Variants in AZIN2 observed in about 807,000 individuals in gnomAD.
AZIN2 encodes ODC antizyme inhibitor-2.
In AZIN2, 28 loss-of-function variants were observed where a neutral mutation model predicts 47.8. That is an observed-to-expected ratio of 0.59 (90% CI 0.43 to 0.80). The LOEUF is 0.80. Ranked by LOEUF, AZIN2 falls within the 30% of genes least tolerant of loss-of-function variation. The pLI is 0.00. For synonymous variants in AZIN2, 221 were observed against 239.4 expected, an observed-to-expected ratio of 0.92 and a Z score of 0.71; for missense variants, 535 against 582.5, an observed-to-expected ratio of 0.92 and a Z score of 0.84.
chr1:33,091,519 C>A (rs768561365), intron 5 of AZIN2, among the ~76,000 whole-genome samples: 3 of 150,156 alleles, frequency 2.0e-5, no homozygotes, highest in Non-Finnish European at 4.4e-5. Context: ...GGGTTACAGG[C>A]GTGAGCCACT....
At chr1:33,091,420 G>A (rs10157034) in intron 5 of AZIN2, among the ~76,000 whole-genome samples, 49,822 of 151,828 alleles carry the variant, frequency 0.33, 8,499 homozygotes, top group African/African-American at 0.41. Context: ...TTGTATTTTT[G>A]GTAGAGATGG....
intron 10 of AZIN2, among the ~76,000 whole-genome samples, chr1:33,105,714 T>C (rs1417732079): frequency 2.0e-5 from 3 of 152,196 alleles, no homozygotes; most frequent in Non-Finnish European, 4.4e-5. Flanking sequence ...AGATGAGATT[T>C]GGGTGGGGAC....
the AZIN2 span, chr1:33,158,450 G>A: frequency 2.7e-6 from 3 of 1,100,692 alleles, no homozygotes; most frequent in South Asian, 1.3e-5. Context: ...CACCTTCAGG[G>A]CAGCTGGCAT....
intron 4 of AZIN2, chr1:33,083,095 G>A (rs58591894): frequency 0.026 from 4,036 of 152,604 alleles, 185 homozygotes; most frequent in African/African-American, 0.092. Context: ...CCATGCCCCT[G>A]CATTGCACCT....
chr1:33,084,436 T>A (rs565467384), intron 5 of AZIN2, among the ~76,000 whole-genome samples: 130 of 152,292 alleles, frequency 8.5e-4, no homozygotes, highest in Non-Finnish European at 1.6e-3. Flanking sequence ...AACAAAAGCG[T>A]CTCCATATTG....
the AZIN2 span, chr1:33,145,673 A>G: frequency 3.2e-6 from 1 of 314,618 alleles, no homozygotes; most frequent in Non-Finnish European, 6.3e-6. Context: ...AAGAAAAGTC[A>G]AGGCCGGGGA....
chr1:33,153,282 CCAGG>C, the AZIN2 span, among the ~76,000 whole-genome samples: 1 of 152,208 alleles, frequency 6.6e-6, no homozygotes, highest in South Asian at 2.1e-4. Flanking sequence ...GCCCAGCCAA[CCAGG>C]CTGCTGCTCT....
chr1:33,105,093 T>C (rs1349512993), intron 10 of AZIN2, among the ~76,000 whole-genome samples: 1 of 152,194 alleles, frequency 6.6e-6, no homozygotes, highest in Non-Finnish European at 1.5e-5. Flanking sequence ...TATTAAAAGG[T>C]GTTTTTGTTA....
the AZIN2 span, chr1:33,164,931 T>C: frequency 6.6e-6 from 1 of 151,188 alleles, no homozygotes; most frequent in Non-Finnish European, 1.5e-5. Flanking sequence ...TACAGGCATG[T>C]GCCACTACGC....
rs1644748093 is a variant in AZIN2, at chr1:33,120,043, G to A, written c.1245-1G>A. The A allele has an allele frequency of 6.2e-7, 1 of 1,613,602 alleles. No individual in the cohort carries two copies. Among genetic ancestry groups the A allele is most frequent in the African/African-American group, 1.3e-5 (1 of 74,928 alleles). On this transcript the variant is annotated splice_acceptor_variant, in intron 11 of 11. Coordinates refer to ENST00000294517, the MANE Select transcript of AZIN2 (RefSeq NM_052998.4). LOFTEE classifies it high-confidence loss of function. Reference sequence around the variant, plus strand: ...TTGCAGCACCCCTCTCTCACCCCTAGGGAAGCGCTGCGAAGGCAGCTGATG... The same window carrying A: ...TTGCAGCACCCCTCTCTCACCCCTAAGGAAGCGCTGCGAAGGCAGCTGATG...
At position 33,122,095 on chromosome 1, in the gene AZIN2, T is replaced by C. The variant is rs1644805169; in HGVS notation, c.*1913T>C. ...ACAGGTATTACCATGCCAGTAATTG[T>C]CTATCAGACTCTGAGACTTCTTCCA... On this transcript the variant is annotated 3_prime_UTR_variant, in exon 12 of 12. Coordinates refer to ENST00000294517, the MANE Select transcript of AZIN2 (RefSeq NM_052998.4). Among the ~76,000 whole-genome samples the C allele has an allele frequency of 1.3e-5, 2 of 152,230 alleles. No individual in the cohort carries two copies. The highest frequency in any genetic ancestry group is 2.9e-5 in the Non-Finnish European group (2 of 68,040).
At chr1:33,145,935 C>T in the AZIN2 span, 1 of 470,818 alleles carries the variant, frequency 2.1e-6, no homozygotes, top group East Asian at 6.9e-5. Context: ...AACAGAATCT[C>T]TTGTAAAAAT....
In AZIN2 at chr1:33,120,352, C is replaced by T. The variant is rs1644766264; in HGVS notation, c.*170C>T. ...CCCTGTAAATAGGACCAGTCTTACA[C>T]TCGCTGTAGTTCAAGTATGCAACAT... On this transcript the variant is annotated 3_prime_UTR_variant, in exon 12 of 12. Transcript: ENST00000294517. The T allele has an allele frequency of 2.3e-6, 2 of 870,002 alleles. No homozygotes were observed. Among genetic ancestry groups the T allele is most frequent in the Non-Finnish European group, 3.4e-6 (2 of 582,582 alleles). 53.9% of individuals were successfully genotyped at this position (870,002 alleles called of 1,614,324 possible).
chr1:33,139,333 T>C, the AZIN2 span, among the ~76,000 whole-genome samples: 1 of 152,140 alleles, frequency 6.6e-6, no homozygotes, highest in Admixed American at 6.5e-5. Flanking sequence ...TAGCTACTTT[T>C]CAGCCAGAAA....
In AZIN2 at chr1:33,087,714, G is replaced by A. The variant is rs1395472039; in HGVS notation, c.279+3587G>A. ...GCCTCCCAAAGTGCTGGGACTACAGGCATGAGCCACCACACCCGACTGGCA... is the reference window on the plus strand; with the variant it reads ...GCCTCCCAAAGTGCTGGGACTACAGACATGAGCCACCACACCCGACTGGCA... On this transcript the variant is annotated intron_variant, in intron 5 of 11. Transcript: ENST00000294517. Among the ~76,000 whole-genome samples, 5 of 151,612 alleles carry A rather than the reference G, an allele frequency of 3.3e-5. No homozygotes were observed. The South Asian group carries it at 8.3e-4, about 25-fold the overall frequency.
the AZIN2 span, among the ~76,000 whole-genome samples, chr1:33,161,868 C>T: frequency 8.4e-4 from 128 of 152,312 alleles, no homozygotes; most frequent in African/African-American, 2.2e-3. This position sits in a 1 kb window ranked among gnomAD's most constrained non-coding sequence, Gnocchi z 4.3. Context: ...ACTGCTGCCT[C>T]TCTGCCTCCC....
In AZIN2 at chr1:33,095,286, C is replaced by T. The variant is rs548771266; in HGVS notation, c.753+573C>T. Among the ~76,000 whole-genome samples, 20 of 152,296 alleles carry T rather than the reference C, an allele frequency of 1.3e-4. No homozygotes were observed. In the South Asian group the frequency reaches 4.1e-3, roughly 32 times the overall value. On this transcript the variant is annotated intron_variant, in intron 8 of 11. Coordinates refer to ENST00000294517, the MANE Select transcript of AZIN2 (RefSeq NM_052998.4). ...TTTGGGATAGTCTCAAAGAATTTGCCTCAAAGATGACTGTTCTAGCTTTGT... is the reference window on the plus strand; with the variant it reads ...TTTGGGATAGTCTCAAAGAATTTGCTTCAAAGATGACTGTTCTAGCTTTGT...
intron 10 of AZIN2, among the ~76,000 whole-genome samples, chr1:33,105,838 A>G (rs1014835909): frequency 1.3e-5 from 2 of 152,234 alleles, no homozygotes; most frequent in Non-Finnish European, 2.9e-5. Context: ...GGCAAGTATC[A>G]TGGGAGTTTT....
At chr1:33,141,560 C>T in the AZIN2 span, among the ~76,000 whole-genome samples, 3 of 152,186 alleles carry the variant, frequency 2.0e-5, no homozygotes, top group African/African-American at 7.2e-5. Context: ...AGCTTTGTGC[C>T]TCTGATGCCA....
Sources: gnomAD v4.1 joint callset for allele counts (sites outside exome capture counted in the v4.1 genomes callset) on GRCh38, gnomAD v4.1.1 for gene constraint, Gnocchi (gnomAD v3.1) non-coding constraint, MANE v1.5 for transcripts, NCBI Gene and HGNC (gene_info 2026-07-23, HGNC 2026-07-21) for gene names.